ADGRB3: variants seen among roughly 807,000 people sequenced by gnomAD.
ADGRB3 encodes the protein adhesion G protein-coupled receptor B3, also known as brain-specific angiogenesis inhibitor 3.
A neutral mutation model predicts 193.4 loss-of-function variants in ADGRB3; 37 were observed. The ratio of observed to expected loss-of-function variants is 0.19; its 90% CI spans 0.15 to 0.25. ADGRB3 has a LOEUF of 0.25. Among genes scored for constraint, ADGRB3 ranks in the 10% least tolerant of loss-of-function variants. ADGRB3 has a pLI of 1.00. For synonymous variants in ADGRB3, 690 were observed against 644.2 expected (o/e 1.07, Z -1.08); for missense variants, 1,637 against 1,852.9 (o/e 0.88, Z 2.14).
intron 17 of ADGRB3, among the ~76,000 whole-genome samples, chr6:69,153,765 G>A (rs1214757777): frequency 1.3e-5 from 2 of 152,096 alleles, no homozygotes; most frequent in African/African-American, 2.4e-5. Flanking sequence ...AGGCCAAGGC[G>A]GGCGGATCAC....
intron 20 of ADGRB3, among the ~76,000 whole-genome samples, chr6:69,246,815 C>T (rs750479374): frequency 6.6e-6 from 1 of 152,188 alleles, no homozygotes; most frequent in Non-Finnish European, 1.5e-5. Context: ...GCTTCAACTT[C>T]AAAGCCGATC....
chr6:69,080,370 G>A (rs1398588143), intron 17 of ADGRB3, among the ~76,000 whole-genome samples: 1 of 151,932 alleles, frequency 6.6e-6, no homozygotes, highest in African/African-American at 2.4e-5. Context: ...TTTCCCTGCA[G>A]GGAATAACCA....
intron 3 of ADGRB3, among the ~76,000 whole-genome samples, chr6:68,810,891 C>G (rs1327704433): frequency 6.6e-6 from 1 of 151,956 alleles, no homozygotes; most frequent in Non-Finnish European, 1.5e-5. Context: ...TAAAAAGTAG[C>G]AGTATTATTT....
At chr6:69,158,871 T>C (rs1051167100) in intron 17 of ADGRB3, among the ~76,000 whole-genome samples, 3 of 152,110 alleles carry the variant, frequency 2.0e-5, no homozygotes, top group Non-Finnish European at 2.9e-5. Context: ...CATTTGATTA[T>C]CACAATTTTT....
chr6:68,888,026 CATTTTAGTACAAAATCTTAGTTACTT>C (rs1277394749), intron 3 of ADGRB3, among the ~76,000 whole-genome samples: 6 of 152,122 alleles, frequency 3.9e-5, no homozygotes, highest in Non-Finnish European at 8.8e-5. Context: ...AATGCTTTTT[CATTTTAGTACAAAATCTTAGTTACTT>C]AAAGAGTATA....
chr6:69,324,783 T>C (rs541619687), intron 20 of ADGRB3, 89 bp from the exon 21 acceptor site: 2 of 1,397,144 alleles, frequency 1.4e-6, no homozygotes, highest in African/African-American at 2.9e-5. Flanking sequence ...ATAAAAGCAA[T>C]GAATCAGAGA....
chr6:69,097,932 G>A (rs150281732), intron 17 of ADGRB3, among the ~76,000 whole-genome samples: 390 of 152,280 alleles, frequency 2.6e-3, no homozygotes, highest in African/African-American at 9.1e-3. Context: ...ACATAATTAT[G>A]TTAGTATGAA....
intron 3 of ADGRB3, among the ~76,000 whole-genome samples, chr6:68,706,210 A>G (rs534539105): frequency 1.3e-5 from 2 of 152,254 alleles, no homozygotes; most frequent in South Asian, 4.1e-4. Context: ...CCCCCAAAGG[A>G]GCAAAGAGAA....
intron 3 of ADGRB3, among the ~76,000 whole-genome samples, chr6:68,893,683 T>C (rs1766143098): frequency 6.6e-6 from 1 of 151,926 alleles, no homozygotes; most frequent in Non-Finnish European, 1.5e-5. Context: ...AGCGAGCATA[T>C]TTTAACCTCA....
intron 17 of ADGRB3, among the ~76,000 whole-genome samples, chr6:69,212,494 G>C (rs56127974): frequency 6.7e-6 from 1 of 149,560 alleles, no homozygotes; most frequent in Non-Finnish European, 1.5e-5. Context: ...ATTATTCATT[G>C]TATTTTTTCC....
intron 3 of ADGRB3, among the ~76,000 whole-genome samples, chr6:68,698,931 T>C (rs1194754518): frequency 6.6e-6 from 1 of 152,096 alleles, no homozygotes; most frequent in Non-Finnish European, 1.5e-5. Flanking sequence ...TTTGTACAAA[T>C]TTTCCCAGGT....
chr6:69,341,248 T>C (rs778056656), intron 26 of ADGRB3, among the ~76,000 whole-genome samples: 1 of 152,170 alleles, frequency 6.6e-6, no homozygotes, highest in Non-Finnish European at 1.5e-5. Context: ...TAAAAGCCTT[T>C]TTATTTCTCC....
chr6:69,235,034 C>G lies in ADGRB3; in HGVS notation c.2610C>G (p.Ile870Met). Residue 870 changes from isoleucine (I) to methionine (M), a missense_variant and splice_region_variant, in exon 19 of 32, where the codon ATC becomes ATG. By Grantham distance (10) the Ile-to-Met change is conservative. Transcript: ENST00000370598. The part of the protein sequence containing the change: ...AILAQQPREI[I>M]MESSGTPSVT... ...TTTTTGTTTTGTTTAATTCACAGAT[C>G]ATGGAATCCTCTGGCACACCTTCAG... 1 of 1,605,830 alleles carries G rather than the reference C, an allele frequency of 6.2e-7. No homozygotes were observed. Among genetic ancestry groups the G allele is most frequent in the Non-Finnish European group, 8.5e-7 (1 of 1,174,878 alleles).
intron 12 of ADGRB3, among the ~76,000 whole-genome samples, chr6:69,016,005 G>C (rs1288260957): frequency 6.6e-6 from 1 of 151,904 alleles, no homozygotes; most frequent in Non-Finnish European, 1.5e-5. Context: ...GCAAGAGTGA[G>C]CAAACTGCAG....
intron 17 of ADGRB3, among the ~76,000 whole-genome samples, chr6:69,225,536 T>C (rs1273722982): frequency 6.6e-6 from 1 of 152,324 alleles, no homozygotes; most frequent in East Asian, 1.9e-4. Context: ...CACAACCCTT[T>C]ACCAGGTAGA....
chr6:69,218,330 A>T (rs1165093749), intron 17 of ADGRB3, among the ~76,000 whole-genome samples: 1 of 152,112 alleles, frequency 6.6e-6, no homozygotes, highest in Non-Finnish European at 1.5e-5. Flanking sequence ...CCCTCATATC[A>T]TAATTTTATA....
intron 17 of ADGRB3, among the ~76,000 whole-genome samples, chr6:69,189,290 G>A (rs776571341): frequency 1.1e-4 from 16 of 152,016 alleles, no homozygotes; most frequent in Non-Finnish European, 2.1e-4. Flanking sequence ...CAATTCCTTT[G>A]GGAACTATTC....
In ADGRB3 at chr6:68,974,766, C is replaced by T. The variant is rs144426334; in HGVS notation, c.1529C>T (p.Pro510Leu). The change falls in exon 9 of 32, where the codon CCT becomes CTT. Residue 510 changes from proline (P) to leucine (L), a missense_variant. Around this residue, in one of 7 missense-constraint regions of ADGRB3, gnomAD observed 641 missense variants for 673.9 expected, o/e 0.95. Transcript: ENST00000370598. ...GTCCCTTTGTTTAAAATTGCAGCAC[C>T]TTATGAAATATGCCCTGAGGATTAT... ...RRCNEQRCPA[P>L]YEICPEDYLM... 65 of 1,613,492 alleles carry T rather than the reference C, an allele frequency of 4.0e-5. No individual in the cohort carries two copies. The highest frequency in any genetic ancestry group is 5.3e-5 in the Non-Finnish European group (62 of 1,179,720).
intron 16 of ADGRB3, among the ~76,000 whole-genome samples, chr6:69,072,438 G>A (rs146686969): frequency 1.7e-3 from 259 of 152,252 alleles, no homozygotes; most frequent in African/African-American, 4.8e-3. Flanking sequence ...AGCATTTCTC[G>A]TTTTGAAACC....
Sources: allele counts gnomAD v4.1 joint callset (sites outside exome capture counted in the v4.1 genomes callset), GRCh38; gene constraint gnomAD v4.1.1; regional missense constraint gnomAD v4.1.1; transcripts MANE v1.5; gene names NCBI Gene and HGNC (gene_info 2026-07-23, HGNC 2026-07-21).